The following TRABD2A variants were observed in gnomAD, a reference collection of about 807,000 sequenced individuals.
TRABD2A encodes the protein TraB domain containing 2A.
In TRABD2A, 43 loss-of-function variants were observed where a neutral mutation model predicts 45.6. The ratio of observed to expected loss-of-function variants is 0.94; its 90% CI spans 0.74 to 1.22. The LOEUF is 1.22. Ranked by LOEUF, TRABD2A falls within the 50% of genes most tolerant of loss-of-function variation. TRABD2A has a pLI of 0.00. For synonymous variants in TRABD2A, 269 were observed against 265.0 expected (o/e 1.02, Z -0.15); for missense variants, 642 against 652.4 (o/e 0.98, Z 0.17).
At chr2:84,861,504 G>C (rs1359172115) in intron 2 of TRABD2A, among the ~76,000 whole-genome samples, 5 of 152,164 alleles carry the variant, frequency 3.3e-5, no homozygotes, top group Admixed American at 3.3e-4. Context: ...CTGACAGGAG[G>C]AGGAGATCAG....
intron 1 of TRABD2A, chr2:84,874,986 C>A: frequency 6.0e-6 from 1 of 166,726 alleles, no homozygotes; most frequent in African/African-American, 2.4e-5. Context: ...TTTCTGGAAC[C>A]ATTAAAGAGA....
chr2:84,831,089 A>G (rs1266145128), intron 5 of TRABD2A, among the ~76,000 whole-genome samples: 1 of 152,128 alleles, frequency 6.6e-6, no homozygotes, highest in Non-Finnish European at 1.5e-5. Context: ...GAATGTGACC[A>G]TTTGGAGTTA....
chr2:84,864,722 G>A (rs570529800), intron 2 of TRABD2A, among the ~76,000 whole-genome samples: 10 of 152,288 alleles, frequency 6.6e-5, no homozygotes, highest in African/African-American at 1.7e-4. Context: ...AGCCCCAGGG[G>A]TTGTTCTTAA....
chr2:84,831,026 G>T (rs983361377), intron 5 of TRABD2A, among the ~76,000 whole-genome samples: 2 of 152,050 alleles, frequency 1.3e-5, no homozygotes, highest in Middle Eastern at 6.4e-3. Context: ...GATATTAGGG[G>T]CTGATGTGTG....
chr2:84,823,650 T>C (rs1325274197), intron 6 of TRABD2A, among the ~76,000 whole-genome samples: 1 of 152,210 alleles, frequency 6.6e-6, no homozygotes, highest in Non-Finnish European at 1.5e-5. Context: ...TGGAGAAAGA[T>C]ATGAAATATC....
At chr2:84,849,205 A>G (rs1046685748) in intron 2 of TRABD2A, among the ~76,000 whole-genome samples, 1 of 152,124 alleles carries the variant, frequency 6.6e-6, no homozygotes, top group African/African-American at 2.4e-5. Flanking sequence ...GCTGACTCCA[A>G]GGAGAAACCC....
chr2:84,875,313 T>C (rs986716157), intron 1 of TRABD2A, among the ~76,000 whole-genome samples: 20 of 152,076 alleles, frequency 1.3e-4, no homozygotes, highest in African/African-American at 4.8e-4. Context: ...GAGCATTCCC[T>C]CCAGGAGGCA....
intron 1 of TRABD2A, chr2:84,874,777 A>G: frequency 4.0e-6 from 1 of 247,550 alleles, no homozygotes; most frequent in Non-Finnish European, 8.1e-6. Context: ...GAGGGGTCTG[A>G]GGACTACAGT....
chr2:84,860,771 A>C (rs1179379933), intron 2 of TRABD2A, among the ~76,000 whole-genome samples: 2 of 152,200 alleles, frequency 1.3e-5, no homozygotes, highest in African/African-American at 4.8e-5. Flanking sequence ...TCTGCCTTGT[A>C]GGCAATGGCG....
Position 84,831,231 on chromosome 2 carries a change from C to A in TRABD2A, c.1082+824G>T, listed in dbSNP as rs540828819. Reference sequence around the variant, plus strand: ...GCCATGTGCCGGCAGGAAGAGAAGGCGGCCATCTACAAGCCAAACAAAGAG... The same window carrying A: ...GCCATGTGCCGGCAGGAAGAGAAGGAGGCCATCTACAAGCCAAACAAAGAG... On this transcript the variant is annotated intron_variant, in intron 5 of 6. Transcript: ENST00000409520. Among the ~76,000 whole-genome samples, 3 of 152,226 alleles carry A rather than the reference C, an allele frequency of 2.0e-5. No homozygotes were observed. The South Asian group carries it at 6.2e-4, about 32-fold the overall frequency.
At position 84,855,926 on chromosome 2, in the gene TRABD2A, C is replaced by A. The variant is rs1244434252; in HGVS notation, c.670-13919G>T. On this transcript the variant is annotated intron_variant, in intron 2 of 6. Coordinates refer to ENST00000409520, the MANE Select transcript of TRABD2A (RefSeq NM_001277053.2). ...GAGTCTCTCCTCTTTCCAGCACTTT[C>A]ATTCCCCTCAGATCAAAGACCTGCT... Among the ~76,000 whole-genome samples the A allele has an allele frequency of 3.3e-5, 5 of 152,262 alleles. No homozygotes were observed. The South Asian group carries it at 8.3e-4, about 25-fold the overall frequency.
intron 5 of TRABD2A, among the ~76,000 whole-genome samples, chr2:84,826,016 G>A (rs145274008): frequency 1.3e-5 from 2 of 152,158 alleles, no homozygotes; most frequent in Non-Finnish European, 2.9e-5. Context: ...AAAACGTTGA[G>A]GGCCACTGTC....
chr2:84,873,084 C>T (rs1682914862), intron 1 of TRABD2A, among the ~76,000 whole-genome samples: 1 of 139,848 alleles, frequency 7.2e-6, no homozygotes, highest in Non-Finnish European at 1.5e-5. Flanking sequence ...CACTGCACTC[C>T]AGCCTAGGGG....
intron 2 of TRABD2A, among the ~76,000 whole-genome samples, chr2:84,868,660 A>T (rs1682772228): frequency 6.6e-6 from 1 of 151,916 alleles, no homozygotes; most frequent in Non-Finnish European, 1.5e-5. Flanking sequence ...CCTAGAACTT[A>T]AAGTATAAGA....
At chr2:84,871,764 C>T (rs189265328) in intron 1 of TRABD2A, among the ~76,000 whole-genome samples, 8 of 152,198 alleles carry the variant, frequency 5.3e-5, no homozygotes, top group East Asian at 1.9e-4. Flanking sequence ...GAATTACAGG[C>T]GTGAGCCATT....
intron 2 of TRABD2A, among the ~76,000 whole-genome samples, chr2:84,869,114 G>A (rs902221690): frequency 2.0e-5 from 3 of 152,084 alleles, no homozygotes; most frequent in Non-Finnish European, 4.4e-5. Flanking sequence ...ATCAACTCAG[G>A]AACATTATTT....
intron 5 of TRABD2A, among the ~76,000 whole-genome samples, chr2:84,825,216 C>A (rs57396217): frequency 0.079 from 12,093 of 152,122 alleles, 925 homozygotes; most frequent in African/African-American, 0.2. Context: ...TGCCACTGAC[C>A]AGCACATGTA....
chr2:84,832,826 A>C (rs556324308), intron 4 of TRABD2A: 2 of 151,764 alleles, frequency 1.3e-5, no homozygotes, highest in Admixed American at 1.3e-4. Context: ...AGGGGGGGGA[A>C]TTCCCAACTA....
At chr2:84,844,409 G>T (rs533087549) in intron 2 of TRABD2A, among the ~76,000 whole-genome samples, 2 of 152,234 alleles carry the variant, frequency 1.3e-5, no homozygotes, top group South Asian at 4.1e-4. Flanking sequence ...CGCCATGATT[G>T]TGAGGCCTCC....
Sources: allele counts gnomAD v4.1 joint callset (sites outside exome capture counted in the v4.1 genomes callset), GRCh38; gene constraint gnomAD v4.1.1; transcripts MANE v1.5; gene names NCBI Gene and HGNC (gene_info 2026-07-23, HGNC 2026-07-21).